Variants in HSPA14 observed in about 807,000 individuals in gnomAD.
HSPA14 encodes the protein heat shock 70 kDa protein 14.
Under a neutral mutation model 65.5 loss-of-function variants are expected in HSPA14, and 37 were observed. The ratio of observed to expected loss-of-function variants is 0.56; its 90% CI spans 0.43 to 0.74. The LOEUF (loss-of-function observed/expected upper bound fraction) is 0.74. HSPA14 is among the 30% of genes least tolerant of loss of function. The pLI is 0.00. For missense variants in HSPA14, 564 were observed against 607.6 expected (o/e 0.93, Z 0.75); for synonymous variants, 203 against 214.2 (o/e 0.95, Z 0.46).
In HSPA14 at chr10:14,855,758, T is replaced by C. The variant is rs1834141278; in HGVS notation, c.891-83T>C. On this transcript the variant is annotated intron_variant, in intron 9 of 13. Transcript: ENST00000378372. ...CTTCACAAGAAAAAGAAAAGTGATATTTGTTTGATTGTACTGAGCCCCGTT... is the reference window on the plus strand; with the variant it reads ...CTTCACAAGAAAAAGAAAAGTGATACTTGTTTGATTGTACTGAGCCCCGTT... The C allele has an allele frequency of 3.1e-5, 21 of 676,134 alleles. No homozygotes were observed. The South Asian group carries it at 3.8e-4, about 12-fold the overall frequency. The allele number at this position is 676,134 out of a possible 1,614,324, so 41.9% of individuals were successfully genotyped here. A position where few individuals can be genotyped will look rare whatever the true frequency, so the allele number is the denominator to read the frequency against.
At chr10:14,843,422 G>A (rs1353179148) in intron 3 of HSPA14, 3 of 1,550,714 alleles carry the variant, frequency 1.9e-6, no homozygotes, top group African/African-American at 1.4e-5. Context: ...CTTTTCAGAG[G>A]TGCAGTTGCT....
Position 14,848,717 on chromosome 10 carries a change from T to C in HSPA14, c.270+60T>C, listed in dbSNP as rs548363926. 13 of 1,466,940 alleles carry C rather than the reference T, an allele frequency of 8.9e-6. No individual in the cohort carries two copies. The African/African-American group carries it at 1.5e-4, about 17-fold the overall frequency. 90.9% of individuals were successfully genotyped at this position (1,466,940 alleles called of 1,614,324 possible). A position where few individuals can be genotyped will look rare whatever the true frequency, so the allele number is the denominator to read the frequency against. On this transcript the variant is annotated intron_variant, in intron 4 of 13. Coordinates refer to ENST00000378372, the MANE Select transcript of HSPA14 (RefSeq NM_016299.4). ...TAGAGTAATTACCAAGGTGATAACA[T>C]GGAATGTTGATTTGAAACTTTGCAT...
chr10:14,846,432 A>C (rs1443817006), intron 3 of HSPA14: 1 of 985,278 alleles, frequency 1.0e-6, no homozygotes, highest in Non-Finnish European at 1.2e-6. Context: ...CTAATGTGGG[A>C]ATAAAAGTCA....
At chr10:14,840,264 C>G in intron 3 of HSPA14, 107 bp downstream of exon 3, 1 of 452,226 alleles carries the variant, frequency 2.2e-6, no homozygotes, top group Non-Finnish European at 3.7e-6. Context: ...TTCTTCATTG[C>G]TTTTTATGAC....
At chr10:14,862,376 CTTTTTT>C (rs753404160) in intron 10 of HSPA14, among the ~76,000 whole-genome samples, 2 of 128,652 alleles carry the variant, frequency 1.6e-5, no homozygotes, top group African/African-American at 5.8e-5. Context: ...CTTTTCTTTT[CTTTTTT>C]TTTTTTTTTT....
chr10:14,848,914 A>G lies in HSPA14; in HGVS notation c.376+19A>G, dbSNP rs547021710. On this transcript the variant is annotated intron_variant, in intron 5 of 13. Coordinates refer to ENST00000378372, the MANE Select transcript of HSPA14 (RefSeq NM_016299.4). ...ATGAAAGGTATTTAGCAAAAGATAT[A>G]TAATAGTTACCTTTAATGATCTTTT... 26 of 1,221,970 alleles carry G rather than the reference A, an allele frequency of 2.1e-5. No homozygotes were observed. The highest frequency in any genetic ancestry group is 2.3e-4 in the Middle Eastern group (1 of 4,388). The allele number at this position is 1,221,970 out of a possible 1,614,324, so 75.7% of individuals were successfully genotyped here.
chr10:14,852,308 C>A, intron 7 of HSPA14, 62 bp from the exon 8 acceptor site: 4 of 1,355,352 alleles, frequency 3.0e-6, no homozygotes, highest in Non-Finnish European at 4.1e-6. Context: ...TAAGTGACTT[C>A]TAATATCCAA....
chr10:14,838,513 G>A, intron 1 of HSPA14, 54 bp downstream of exon 1: 1 of 1,513,078 alleles, frequency 6.6e-7, no homozygotes, highest in Non-Finnish European at 8.9e-7. Context: ...CGGTTTTCTG[G>A]CGCTGGGTCA....
chr10:14,840,479 G>A (rs1233475564), intron 3 of HSPA14, among the ~76,000 whole-genome samples: 1 of 152,142 alleles, frequency 6.6e-6, no homozygotes, highest in Admixed American at 6.5e-5. Context: ...GGAATTTGAA[G>A]ACTTATTGAC....
Position 14,839,339 on chromosome 10 carries a change from C to T in HSPA14, c.58-566C>T, listed in dbSNP as rs539439394. Among the ~76,000 whole-genome samples, 769 of 152,254 alleles carry T rather than the reference C, an allele frequency of 5.1e-3. 5 individuals are homozygous for T. Among genetic ancestry groups the T allele is most frequent in the Non-Finnish European group, 6.6e-3 (452 of 68,006 alleles). On this transcript the variant is annotated intron_variant, in intron 1 of 13. Coordinates refer to ENST00000378372, the MANE Select transcript of HSPA14 (RefSeq NM_016299.4). ...CTGTAATCCCAGCACTTTGGGAAGC[C>T]GAGGCAGGCGGATCACGTGAGGTTA... is the stretch of plus-strand genomic sequence containing the variant.
intron 1 of HSPA14, among the ~76,000 whole-genome samples, chr10:14,839,263 TACTTCATTTGTAG>T (rs1415729728): frequency 6.6e-6 from 1 of 152,218 alleles, no homozygotes; most frequent in African/African-American, 2.4e-5. Flanking sequence ...GGAATAATAC[TACTTCATTTGTAG>T]AAATGGGAAG....
intron 1 of HSPA14, 110 bp from the exon 2 acceptor site, chr10:14,839,795 T>C (rs1015679106): frequency 1.3e-5 from 8 of 630,434 alleles, no homozygotes; most frequent in African/African-American, 3.6e-5. Flanking sequence ...GTTTAAAATA[T>C]TGAGATAGCA....
chr10:14,850,481 G>C (rs1361585891), intron 6 of HSPA14, among the ~76,000 whole-genome samples: 1 of 152,226 alleles, frequency 6.6e-6, no homozygotes, highest in Non-Finnish European at 1.5e-5. Flanking sequence ...CATCTAAACA[G>C]AAAAGTTATA....
intron 10 of HSPA14, 86 bp from the exon 11 acceptor site, chr10:14,866,997 T>A (rs1194273902): frequency 1.1e-6 from 1 of 896,056 alleles, no homozygotes; most frequent in African/African-American, 1.7e-5. Context: ...TTACATACGA[T>A]GAAGATGACT....
At chr10:14,864,694 T>C (rs1832789734) in intron 10 of HSPA14, among the ~76,000 whole-genome samples, 1 of 152,266 alleles carries the variant, frequency 6.6e-6, no homozygotes, top group Admixed American at 6.5e-5. Context: ...ATGGTGTATA[T>C]GTGCCACATT....
chr10:14,842,378 C>T lies in HSPA14; in HGVS notation c.221+2221C>T. 5 of 1,536,150 alleles carry T rather than the reference C, an allele frequency of 3.3e-6. No individual in the cohort carries two copies. Among genetic ancestry groups the T allele is most frequent in the Non-Finnish European group, 4.4e-6 (5 of 1,146,908 alleles). ...ACTAGGCGAGGCAGAGTATATTCAG[C>T]GCCTCCAGACTGTGCATCACAATGC... On this transcript the variant is annotated intron_variant, in intron 3 of 13. Coordinates refer to ENST00000378372, the MANE Select transcript of HSPA14 (RefSeq NM_016299.4). The surrounding 1 kb of genome is among the most constrained non-coding windows in gnomAD (Gnocchi z 5.2).
At position 14,842,096 on chromosome 10, in the gene HSPA14, A is replaced by G; in HGVS notation, c.221+1939A>G. The G allele has an allele frequency of 6.9e-7, 1 of 1,454,746 alleles. No homozygotes were observed. Among genetic ancestry groups the G allele is most frequent in the Non-Finnish European group, 9.3e-7 (1 of 1,075,442 alleles). The allele number at this position is 1,454,746 out of a possible 1,614,324, so 90.1% of individuals were successfully genotyped here. A position where few individuals can be genotyped will look rare whatever the true frequency, so the allele number is the denominator to read the frequency against. On this transcript the variant is annotated intron_variant, in intron 3 of 13. Transcript: ENST00000378372. This position sits in a 1 kb window ranked among gnomAD's most constrained non-coding sequence, Gnocchi z 5.2. ...AACTTGCTGCCAAAATTATCCTTAC[A>G]CCCTTCCTGTAACTCTCATTCCCCT...
At chr10:14,869,870 C>A (rs930066184) in intron 12 of HSPA14, among the ~76,000 whole-genome samples, 1 of 152,188 alleles carries the variant, frequency 6.6e-6, no homozygotes, top group African/African-American at 2.4e-5. Flanking sequence ...GCCACTATAT[C>A]CTAACTTAAA....
intron 10 of HSPA14, among the ~76,000 whole-genome samples, chr10:14,866,522 A>C (rs879726125): frequency 3.3e-5 from 5 of 152,210 alleles, no homozygotes; most frequent in African/African-American, 4.8e-5. Context: ...AGTTTAAGGG[A>C]GCAATTTTAT....
Sources: gnomAD v4.1 joint callset for allele counts (sites outside exome capture counted in the v4.1 genomes callset) on GRCh38, gnomAD v4.1.1 for gene constraint, Gnocchi (gnomAD v3.1) non-coding constraint, MANE v1.5 for transcripts, NCBI Gene and HGNC (gene_info 2026-07-23, HGNC 2026-07-21) for gene names.